The following NKAIN3 variants were observed in gnomAD, a reference collection of about 807,000 sequenced individuals.
NKAIN3 encodes the protein sodium/potassium transporting ATPase interacting 3.
A neutral mutation model predicts 30.2 loss-of-function variants in NKAIN3; 25 were observed. That is an observed-to-expected ratio of 0.83 (90% CI 0.60 to 1.16). The LOEUF (loss-of-function observed/expected upper bound fraction) is 1.16. NKAIN3 is among the 50% of genes most tolerant of loss of function. The pLI is 0.00. For synonymous variants in NKAIN3, 91 were observed against 89.6 expected (o/e 1.02, Z -0.09); for missense variants, 225 against 254.1 (o/e 0.89, Z 0.78).
At chr8:62,553,670 G>A (rs1271794612) in intron 1 of NKAIN3, among the ~76,000 whole-genome samples, 1 of 151,634 alleles carries the variant, frequency 6.6e-6, no homozygotes, top group African/African-American at 2.4e-5. Flanking sequence ...CCGAACAGCT[G>A]GGATTACAGG....
intron 1 of NKAIN3, among the ~76,000 whole-genome samples, chr8:62,484,037 CA>C (rs1806821054): frequency 6.6e-6 from 1 of 152,208 alleles, no homozygotes; most frequent in Non-Finnish European, 1.5e-5. Flanking sequence ...CACATGTTGA[CA>C]TGTCTTCAGC....
chr8:62,455,874 A>G (rs1805804318), intron 1 of NKAIN3, among the ~76,000 whole-genome samples: 1 of 152,078 alleles, frequency 6.6e-6, no homozygotes, highest in Non-Finnish European at 1.5e-5. Context: ...TCTTTGGGGG[A>G]TATGTTCCAA....
At chr8:62,421,510 AT>A (rs1222203645) in intron 1 of NKAIN3, among the ~76,000 whole-genome samples, 1 of 152,016 alleles carries the variant, frequency 6.6e-6, no homozygotes, top group Non-Finnish European at 1.5e-5. Context: ...GAAGTAACCT[AT>A]TTGGGGAATA....
intron 1 of NKAIN3, among the ~76,000 whole-genome samples, chr8:62,536,970 T>A (rs971405408): frequency 3.3e-5 from 5 of 152,096 alleles, no homozygotes; most frequent in Non-Finnish European, 5.9e-5. Context: ...CAGCCACAGT[T>A]GTTGAAACTC....
chr8:62,783,162 T>G (rs1817408420), intron 4 of NKAIN3, among the ~76,000 whole-genome samples: 1 of 152,108 alleles, frequency 6.6e-6, no homozygotes, highest in Non-Finnish European at 1.5e-5. Flanking sequence ...TGAAAGCTTT[T>G]GTCCCCCCAA....
intron 1 of NKAIN3, among the ~76,000 whole-genome samples, chr8:62,314,286 G>A (rs573163290): frequency 6.6e-6 from 1 of 152,228 alleles, no homozygotes; most frequent in Admixed American, 6.5e-5. Context: ...TGCTCCTGGT[G>A]TATTAAACTG....
intron 1 of NKAIN3, among the ~76,000 whole-genome samples, chr8:62,314,049 A>G (rs1452911881): frequency 6.6e-6 from 1 of 152,130 alleles, no homozygotes; most frequent in African/African-American, 2.4e-5. Context: ...TGTTAGACAG[A>G]TTATAAACAT....
intron 1 of NKAIN3, among the ~76,000 whole-genome samples, chr8:62,419,741 T>C (rs1804571954): frequency 6.6e-6 from 1 of 151,930 alleles, no homozygotes; most frequent in Non-Finnish European, 1.5e-5. Context: ...ATAGGAAGAG[T>C]CTTCCTATTT....
At chr8:62,956,776 T>A (rs1418586488) in intron 6 of NKAIN3, among the ~76,000 whole-genome samples, 4 of 152,154 alleles carry the variant, frequency 2.6e-5, no homozygotes, top group African/African-American at 9.7e-5. Flanking sequence ...GATATAAAGA[T>A]AAATGATACT....
chr8:62,843,447 C>T (rs10957243), intron 4 of NKAIN3, among the ~76,000 whole-genome samples: 12,614 of 151,798 alleles, frequency 0.083, 809 homozygotes, highest in East Asian at 0.29. Flanking sequence ...AGTGATTCTC[C>T]TGCCTCAGCT....
intron 1 of NKAIN3, among the ~76,000 whole-genome samples, chr8:62,299,439 C>G (rs182520410): frequency 3.2e-4 from 49 of 152,116 alleles, no homozygotes; most frequent in African/African-American, 1.1e-3. Context: ...ATGCTTATTC[C>G]CTGTTCACAC....
At chr8:62,727,562 T>C (rs1261304019) in intron 3 of NKAIN3, among the ~76,000 whole-genome samples, 2 of 152,162 alleles carry the variant, frequency 1.3e-5, no homozygotes, top group Non-Finnish European at 2.9e-5. Context: ...AATGAGTAAG[T>C]GGCATTTGAA....
chr8:62,337,253 A>G (rs1396990041), intron 1 of NKAIN3, among the ~76,000 whole-genome samples: 3 of 151,990 alleles, frequency 2.0e-5, no homozygotes, highest in Non-Finnish European at 2.9e-5. Flanking sequence ...TTCCTCCCAT[A>G]TTGAAAAGGA....
At chr8:62,481,110 C>T (rs7001011) in intron 1 of NKAIN3, among the ~76,000 whole-genome samples, 7,068 of 152,226 alleles carry the variant, frequency 0.046, 602 homozygotes, top group African/African-American at 0.16. Flanking sequence ...GCCTTTGTCA[C>T]ATGTAATTCT....
chr8:62,781,817 G>T (rs1389470547), intron 4 of NKAIN3, among the ~76,000 whole-genome samples: 1 of 151,842 alleles, frequency 6.6e-6, no homozygotes, highest in Non-Finnish European at 1.5e-5. Context: ...AGATTTTAAA[G>T]TAAGACCCAA....
At chr8:62,861,334 A>G (rs550504780) in intron 4 of NKAIN3, among the ~76,000 whole-genome samples, 9 of 152,192 alleles carry the variant, frequency 5.9e-5, no homozygotes, top group African/African-American at 2.2e-4. Flanking sequence ...GACAATCTCA[A>G]TTTTTTATCA....
intron 6 of NKAIN3, among the ~76,000 whole-genome samples, chr8:62,960,125 C>G (rs193241366): frequency 1.3e-5 from 2 of 152,204 alleles, no homozygotes; most frequent in African/African-American, 2.4e-5. Context: ...ATATAGCTTA[C>G]GCAGTTCAGA....
intron 1 of NKAIN3, among the ~76,000 whole-genome samples, chr8:62,328,033 T>G (rs1205696638): frequency 6.6e-6 from 1 of 152,140 alleles, no homozygotes; most frequent in East Asian, 1.9e-4. Context: ...GGGCTTTTTC[T>G]TACTGGTTTG....
At chr8:62,447,445 G>T (rs1032636031) in intron 1 of NKAIN3, among the ~76,000 whole-genome samples, 1 of 151,966 alleles carries the variant, frequency 6.6e-6, no homozygotes, top group African/African-American at 2.4e-5. Context: ...TTAAAGAAAT[G>T]ATAATTATTA....
Sources: allele counts gnomAD v4.1 joint callset (sites outside exome capture counted in the v4.1 genomes callset), GRCh38; gene constraint gnomAD v4.1.1; transcripts MANE v1.5; gene names NCBI Gene and HGNC (gene_info 2026-07-23, HGNC 2026-07-21).